Variants in CD3G observed in about 807,000 individuals in gnomAD.
CD3G encodes the protein CD3 gamma subunit of T-cell receptor complex.
In CD3G, 24 loss-of-function variants were observed where a neutral mutation model predicts 28.3. The ratio of observed to expected loss-of-function variants is 0.85; its 90% CI spans 0.61 to 1.19. The LOEUF is 1.19. Among genes scored for constraint, CD3G ranks in the 50% most tolerant of loss-of-function variants. CD3G has a pLI of 0.00. For missense variants in CD3G, 211 were observed against 210.0 expected (o/e 1.00, Z -0.03); for synonymous variants, 71 against 75.9 (o/e 0.93, Z 0.34).
At chr11:118,352,266 T>A (rs1948416720) in intron 5 of CD3G, 138 bp from the exon 6 acceptor site, 4 of 779,354 alleles carry the variant, frequency 5.1e-6, no homozygotes, top group Middle Eastern at 2.6e-4. Flanking sequence ...AGCCTCCATC[T>A]CCTTGTCCTC....
At chr11:118,351,003 A>G in intron 4 of CD3G, 1 of 481,294 alleles carries the variant, frequency 2.1e-6, no homozygotes. Flanking sequence ...CCTGGCTAGC[A>G]CGGTGAAACC....
Position 118,354,314 on chromosome 11 carries a change from T to C in CD3G, c.*1214T>C, listed in dbSNP as rs867408247. On this transcript the variant is annotated 3_prime_UTR_variant, in exon 7 of 7. Transcript: ENST00000532917. ...TCTTTTCTTTTTTTTCTTTTTTTTT[T>C]TTTTTTGAAGTGGAATCTTGCTCTG... The C allele has an allele frequency of 6.7e-6, 1 of 149,362 alleles. No homozygotes were observed. The highest frequency in any genetic ancestry group is 1.5e-5 in the Non-Finnish European group (1 of 67,596). 9.3% of individuals were successfully genotyped at this position (149,362 alleles called of 1,614,324 possible).
intron 1 of CD3G, among the ~76,000 whole-genome samples, chr11:118,348,124 C>T (rs1297878755): frequency 6.6e-6 from 1 of 152,162 alleles, no homozygotes; most frequent in East Asian, 1.9e-4. Context: ...TAGGCAATAT[C>T]CTTACTTACA....
At chr11:118,352,549 T>C in intron 6 of CD3G, 62 bp downstream of exon 6, 1 of 1,120,310 alleles carries the variant, frequency 8.9e-7, no homozygotes, top group Non-Finnish European at 1.4e-6. Context: ...CGCAATTGCT[T>C]CTAAGTCTAG....
At chr11:118,349,549 G>T in intron 2 of CD3G, 194 bp from the exon 3 acceptor site, 1 of 644,138 alleles carries the variant, frequency 1.6e-6, no homozygotes. Context: ...CGTCACCCGA[G>T]AGCATGTTAG....
At chr11:118,351,732 T>G in intron 5 of CD3G, 61 bp downstream of exon 5, 1 of 1,483,552 alleles carries the variant, frequency 6.7e-7, no homozygotes, top group South Asian at 1.1e-5. Context: ...TCTTTGGGAT[T>G]GAGGGGCATG....
intron 2 of CD3G, 38 bp downstream of exon 2, chr11:118,349,088 A>C (rs763553147): frequency 6.2e-7 from 1 of 1,614,116 alleles, no homozygotes; most frequent in African/African-American, 1.3e-5. Flanking sequence ...CAGACTCAGA[A>C]TATTGACGGA....
At chr11:118,352,341 C>A in intron 5 of CD3G, 63 bp from the exon 6 acceptor site, 1 of 1,317,528 alleles carries the variant, frequency 7.6e-7, no homozygotes, top group Non-Finnish European at 1.1e-6. Context: ...ATTCAATAAA[C>A]ATGCATCAAA....
At position 118,349,854 on chromosome 11, in the gene CD3G, T is replaced by C; in HGVS notation, c.191T>C (p.Phe64Ser). The change falls in exon 3 of 7, where the codon TTC becomes TCC. Residue 64 changes from phenylalanine (F) to serine (S), a missense_variant. Transcript: ENST00000532917. ...TWFKDGKMIG[F>S]LTEDKKKWNL... ...TTTAAAGATGGGAAGATGATCGGCT[T>C]CCTAACTGAAGATAAAAAAAAATGG... 1 of 1,614,078 alleles carries C rather than the reference T, an allele frequency of 6.2e-7. No homozygotes were observed. Among genetic ancestry groups the C allele is most frequent in the Non-Finnish European group, 8.5e-7 (1 of 1,180,010 alleles).
chr11:118,350,770 A>G (rs1026353548), intron 4 of CD3G, 87 bp downstream of exon 4: 36 of 1,592,866 alleles, frequency 2.3e-5, no homozygotes, highest in Non-Finnish European at 3.0e-5. Flanking sequence ...GAAGAGACTG[A>G]GTTGGTGCTT....
intron 1 of CD3G, 84 bp downstream of exon 1, chr11:118,344,562 C>T (rs1948337819): frequency 8.4e-7 from 1 of 1,190,926 alleles, no homozygotes; most frequent in Non-Finnish European, 1.2e-6. Flanking sequence ...TATTGGTATC[C>T]CTAACCTTCA....
intron 1 of CD3G, among the ~76,000 whole-genome samples, chr11:118,346,201 A>C (rs1948354351): frequency 6.6e-6 from 1 of 152,144 alleles, no homozygotes; most frequent in African/African-American, 2.4e-5. Context: ...TGGGAGGTCG[A>C]GGCAGGTGGA....
At chr11:118,350,188 G>A in intron 3 of CD3G, 1 of 594,934 alleles carries the variant, frequency 1.7e-6, no homozygotes, top group East Asian at 2.9e-5. Flanking sequence ...TTACCTTTGG[G>A]TGGGCTCCAT....
Position 118,349,957 on chromosome 11 carries a change from A to G in CD3G, c.294A>G (p.Gln98=). 1 of 1,612,946 alleles carries G rather than the reference A, an allele frequency of 6.2e-7. No homozygotes were observed. The highest frequency in any genetic ancestry group is 8.5e-7 in the Non-Finnish European group (1 of 1,178,978). Residue 98 remains glutamine, a synonymous_variant, in exon 3 of 7, where the codon CAA becomes CAG. Coordinates refer to ENST00000532917, the MANE Select transcript of CD3G (RefSeq NM_000073.3). ...KGSQNKSKPL[Q]VYYRMCQNCI... ...CACAGAACAAGTCAAAACCACTCCA[A>G]GTGTATTACAGAAGTATGTAATCCC...
At chr11:118,348,343 G>T (rs1948374958) in intron 1 of CD3G, among the ~76,000 whole-genome samples, 1 of 152,050 alleles carries the variant, frequency 6.6e-6, no homozygotes, top group Admixed American at 6.6e-5. Context: ...ATAACTCACA[G>T]AATTTAAGAA....
chr11:118,350,428 C>T, intron 3 of CD3G, 124 bp from the exon 4 acceptor site: 1 of 789,950 alleles, frequency 1.3e-6, no homozygotes, highest in Non-Finnish European at 2.3e-6. Context: ...TTCCCTTGCC[C>T]TGCCACCCAC....
Position 118,349,012 on chromosome 11 carries a change from C to T in CD3G, c.56-15C>T. ...CATGCCCAGCTAATACTCTATCTCT[C>T]TTCTGTCTTTACAGGTACTTTGGCC... On this transcript the variant is annotated splice_polypyrimidine_tract_variant and intron_variant, in intron 1 of 6. Transcript: ENST00000532917. The T allele has an allele frequency of 6.2e-7, 1 of 1,614,132 alleles. No homozygotes were observed. Among genetic ancestry groups the T allele is most frequent in the African/African-American group, 1.3e-5 (1 of 75,052 alleles).
At chr11:118,349,541 T>C (rs1948386349) in intron 2 of CD3G, 2 of 633,490 alleles carry the variant, frequency 3.2e-6, no homozygotes, top group Non-Finnish European at 5.5e-6. Flanking sequence ...GATATTGGCG[T>C]CACCCGAGAG....
intron 1 of CD3G, among the ~76,000 whole-genome samples, chr11:118,346,330 A>G (rs1047580057): frequency 1.3e-5 from 2 of 152,042 alleles, no homozygotes; most frequent in Admixed American, 6.6e-5. Context: ...CCAGCTACTC[A>G]GGAGGCTGAG....
Sources: gnomAD v4.1 joint callset for allele counts (sites outside exome capture counted in the v4.1 genomes callset) on GRCh38, gnomAD v4.1.1 for gene constraint, MANE v1.5 for transcripts, NCBI Gene and HGNC (gene_info 2026-07-23, HGNC 2026-07-21) for gene names.